NUF2: variants seen among roughly 807,000 people sequenced by gnomAD.
NUF2 encodes NUF2 component of NDC80 kinetochore complex, also known as kinetochore protein Nuf2.
Under a neutral mutation model 61.8 loss-of-function variants are expected in NUF2, and 34 were observed. That is an observed-to-expected ratio of 0.55 (90% CI 0.42 to 0.73). NUF2 has a LOEUF of 0.73. Ranked by LOEUF, NUF2 falls within the 30% of genes least tolerant of loss-of-function variation. The probability of loss-of-function intolerance (pLI) is 0.00; values close to 1 mark genes in which losing one functional copy is unlikely to be tolerated. For synonymous variants in NUF2, 172 were observed against 181.6 expected (o/e 0.95, Z 0.42); for missense variants, 445 against 539.1 (o/e 0.83, Z 1.73).
At chr1:163,335,389 G>T (rs1650724490) in intron 5 of NUF2, among the ~76,000 whole-genome samples, 1 of 152,040 alleles carries the variant, frequency 6.6e-6, no homozygotes, top group Non-Finnish European at 1.5e-5. Flanking sequence ...TAAATATATT[G>T]CTCCATTGTC....
chr1:163,334,747 C>T (rs1482779902), intron 5 of NUF2, among the ~76,000 whole-genome samples: 1 of 151,994 alleles, frequency 6.6e-6, no homozygotes, highest in African/African-American at 2.4e-5. Context: ...CCACTGCATC[C>T]CAGCCTGAGC....
intron 7 of NUF2, 76 bp downstream of exon 7, chr1:163,338,169 C>T: frequency 9.6e-7 from 1 of 1,044,140 alleles, no homozygotes; most frequent in Admixed American, 1.8e-5. Context: ...TTTTACAACC[C>T]TATATTCCAC....
chr1:163,350,301 CAA>C (rs759212484), intron 13 of NUF2, among the ~76,000 whole-genome samples: 8 of 125,932 alleles, frequency 6.4e-5, no homozygotes, highest in Non-Finnish European at 5.1e-5. Flanking sequence ...GACTCCGTCT[CAA>C]AAAAAAAAAA....
Position 163,345,687 on chromosome 1 carries a change from G to A in NUF2, c.817G>A (p.Val273Met). Reference sequence around the variant, plus strand: ...TTTTTGTCTTTCAAAGCAAGAAGTGGTGGAGAAATATGAAATCTATGGAGA... The same window carrying A: ...TTTTTGTCTTTCAAAGCAAGAAGTGATGGAGAAATATGAAATCTATGGAGA... ...QKLKNARQEVVEKYEIYGDSV... is the reference protein window; with the variant it reads ...QKLKNARQEVMEKYEIYGDSV... The change falls in exon 11 of 14, where the codon GTG becomes ATG. Residue 273 changes from valine (V) to methionine (M), a missense_variant. Coordinates refer to ENST00000271452, the MANE Select transcript of NUF2 (RefSeq NM_145697.3). The A allele has an allele frequency of 6.2e-7, 1 of 1,610,780 alleles. No individual in the cohort carries two copies. Among genetic ancestry groups the A allele is most frequent in the Non-Finnish European group, 8.5e-7 (1 of 1,178,970 alleles).
intron 13 of NUF2, among the ~76,000 whole-genome samples, chr1:163,350,472 A>G (rs1651278366): frequency 6.6e-6 from 1 of 152,176 alleles, no homozygotes. Context: ...TCTATCAGTC[A>G]TAAGAGATAC....
chr1:163,325,944 T>C (rs1650402588), intron 1 of NUF2, 88 bp from the exon 2 acceptor site: 2 of 932,266 alleles, frequency 2.1e-6, no homozygotes, highest in South Asian at 1.6e-5. Flanking sequence ...AGTTCAACTT[T>C]GGCTCATTTT....
intron 10 of NUF2, 119 bp from the exon 11 acceptor site, chr1:163,345,559 C>T (rs1175168082): frequency 1.3e-5 from 11 of 815,124 alleles, no homozygotes; most frequent in African/African-American, 1.2e-4. Flanking sequence ...TTAATTGTTC[C>T]GTGCTCTTAA....
chr1:163,334,955 T>G (rs893315081), intron 5 of NUF2, among the ~76,000 whole-genome samples: 5 of 152,042 alleles, frequency 3.3e-5, no homozygotes, highest in South Asian at 2.1e-4. Context: ...TTGTTTTGTT[T>G]TTTTTGTTTT....
At chr1:163,337,664 G>C (rs1035707259) in intron 6 of NUF2, among the ~76,000 whole-genome samples, 1 of 151,910 alleles carries the variant, frequency 6.6e-6, no homozygotes, top group African/African-American at 2.4e-5. Flanking sequence ...CTTCTTCCCA[G>C]CCATTACCCA....
intron 7 of NUF2, among the ~76,000 whole-genome samples, chr1:163,338,364 C>T (rs1162343169): frequency 1.3e-5 from 2 of 151,706 alleles, no homozygotes; most frequent in Admixed American, 6.6e-5. Context: ...GCTTACTGTC[C>T]TGATTTATGT....
At chr1:163,343,920 G>C (rs772224204) in intron 10 of NUF2, 50 bp downstream of exon 10, 3 of 1,134,900 alleles carry the variant, frequency 2.6e-6, no homozygotes, top group Admixed American at 3.0e-5. Context: ...AAAAAAATTA[G>C]CAAATTCTTG....
chr1:163,323,552 C>CCA (rs139549637), intron 1 of NUF2, among the ~76,000 whole-genome samples: 5 of 151,878 alleles, frequency 3.3e-5, no homozygotes, highest in Admixed American at 2.0e-4. Flanking sequence ...GACCCTATCT[C>CCA]CACACACACA....
rs2345030 is a variant in NUF2, at chr1:163,329,179, A to G, written c.337+272A>G. The stretch of plus-strand genomic sequence containing the variant: ...TATAAATTTGGGAATATGACTACAA[A>G]TAATATGTAAGTATGATTTTGCATA... On this transcript the variant is annotated intron_variant, in intron 5 of 13. Transcript: ENST00000271452. Among the ~76,000 whole-genome samples the G allele has an allele frequency of 0.42, 63,111 of 151,808 alleles. 13,512 individuals carry two copies. The highest frequency in any genetic ancestry group is 0.59 in the South Asian group (2,831 of 4,798).
chr1:163,347,872 C>G lies in NUF2; in HGVS notation c.1058C>G (p.Ala353Gly), dbSNP rs1208790630. 1.9e-6 allele frequency: 3 copies of G among 1,610,366 alleles called. No homozygotes were observed. Among genetic ancestry groups the G allele is most frequent in the Non-Finnish European group, 2.5e-6 (3 of 1,178,706 alleles). ...RLMIVKKEKL[A>G]TAQFKINKKH... ...ATGATTGTGAAGAAGGAAAAACTTG[C>G]CACAGCACAATTCAAAATAAATAAG... Residue 353 changes from alanine (A) to glycine (G), a missense_variant, in exon 12 of 14, where the codon GCC (alanine) becomes GGC (glycine). Ala to Gly is a moderately conservative substitution (Grantham distance 60, BLOSUM62 0). Transcript: ENST00000271452.
At chr1:163,338,171 A>G in intron 7 of NUF2, 78 bp downstream of exon 7, 1 of 1,027,808 alleles carries the variant, frequency 9.7e-7, no homozygotes, top group Non-Finnish European at 1.5e-6. Context: ...TTACAACCCT[A>G]TATTCCACCT....
intron 13 of NUF2, 147 bp downstream of exon 13, chr1:163,349,227 A>G (rs921037223): frequency 1.3e-5 from 9 of 681,702 alleles, no homozygotes; most frequent in Middle Eastern, 4.2e-4. Context: ...TGTTTTGAAT[A>G]TATTTACTGT....
chr1:163,331,202 A>G (rs1008445778), intron 5 of NUF2, among the ~76,000 whole-genome samples: 1 of 151,646 alleles, frequency 6.6e-6, no homozygotes, highest in African/African-American at 2.4e-5. Flanking sequence ...AGAATGTACA[A>G]CTTTTACTTT....
intron 7 of NUF2, 33 bp downstream of exon 7, chr1:163,338,126 A>T: frequency 6.6e-7 from 1 of 1,524,768 alleles, no homozygotes; most frequent in South Asian, 1.1e-5. Context: ...AAATAAATGC[A>T]ATTTCAAAAT....
rs781627921 is a variant in NUF2, at chr1:163,336,769, G to A, written c.356G>A (p.Arg119Gln). Residue 119 changes from arginine (R) to glutamine (Q), a missense_variant, in exon 6 of 14, where the codon CGG becomes CAG. Physicochemically the swap from Arg to Gln is conservative, Grantham distance 43. Transcript: ENST00000271452. ...ATTTTAGAAGCAAAACGGACAAGTC[G>A]GTTTTTAAGTGGCATTATCAACTTT... ...ILCPKAKRTS[R>Q]FLSGIINFIH... The A allele has an allele frequency of 1.1e-5, 17 of 1,610,644 alleles. No individual in the cohort carries two copies. The highest frequency in any genetic ancestry group is 1.3e-5 in the African/African-American group (1 of 74,752).
Sources: gnomAD v4.1 joint callset for allele counts (sites outside exome capture counted in the v4.1 genomes callset) on GRCh38, gnomAD v4.1.1 for gene constraint, MANE v1.5 for transcripts, NCBI Gene and HGNC (gene_info 2026-07-23, HGNC 2026-07-21) for gene names.